The following FRK variants were observed in gnomAD, a reference collection of about 807,000 sequenced individuals.
FRK encodes the protein tyrosine-protein kinase FRK.
FRK carries 51 observed loss-of-function variants against 56.4 expected under a neutral mutation model. That is an observed-to-expected ratio of 0.90 (90% confidence interval 0.72 to 1.14). The LOEUF (loss-of-function observed/expected upper bound fraction) is 1.14, where lower values mean the gene tolerates loss of function less well. FRK is among the 50% of genes most tolerant of loss of function. The pLI is 0.00. For missense variants in FRK, 570 were observed against 601.4 expected (o/e 0.95, Z 0.55); for synonymous variants, 245 against 217.9 (o/e 1.12, Z -1.10).
At chr6:116,015,427 G>T (rs1378019076) in intron 1 of FRK, among the ~76,000 whole-genome samples, 1 of 152,166 alleles carries the variant, frequency 6.6e-6, no homozygotes, top group Non-Finnish European at 1.5e-5. Flanking sequence ...CCAGTCTCAG[G>T]TAATATCTTT....
At chr6:115,969,624 A>G (rs1292978943) in intron 2 of FRK, among the ~76,000 whole-genome samples, 12 of 152,174 alleles carry the variant, frequency 7.9e-5, no homozygotes, top group Admixed American at 7.9e-4. Flanking sequence ...AGGAACCCCA[A>G]TTCCGGGACT....
intron 1 of FRK, among the ~76,000 whole-genome samples, chr6:116,046,279 G>T (rs894273672): frequency 3.9e-5 from 6 of 152,152 alleles, no homozygotes; most frequent in African/African-American, 1.4e-4. Context: ...TCCCATTACT[G>T]GGTATATCCC....
rs1272907487 is a variant in FRK, at chr6:115,935,807, C to G, written c.*6607G>C. ...GGCCAGACTGCCTCTCTAGATTCCT[C>G]CTCTCTGGGCAGGGCAACTCTAAAA... On this transcript the variant is annotated 3_prime_UTR_variant, in exon 8 of 8. Coordinates refer to ENST00000606080, the MANE Select transcript of FRK (RefSeq NM_002031.3). The G allele has an allele frequency of 1.3e-5, 2 of 152,346 alleles. No individual in the cohort carries two copies. The highest frequency in any genetic ancestry group is 4.8e-5 in the African/African-American group (2 of 41,446). 9.4% of individuals were successfully genotyped at this position (152,346 alleles called of 1,614,324 possible). A position where few individuals can be genotyped will look rare whatever the true frequency, so the allele number is the denominator to read the frequency against.
chr6:116,064,145 C>T (rs746466936), upstream of FRK, among the ~76,000 whole-genome samples: 6 of 152,222 alleles, frequency 3.9e-5, no homozygotes, highest in Non-Finnish European at 7.3e-5. Context: ...TGACATAGTT[C>T]GCCAAATGAC....
rs571782629 is a variant in FRK at position 115,946,911 on chromosome 6, G to A, written c.959-2486C>T. Among the ~76,000 whole-genome samples, 29 of 152,218 alleles carry A rather than the reference G, an allele frequency of 1.9e-4. No homozygotes were observed. In the South Asian group the frequency reaches 4.6e-3, roughly 24 times the overall value. ...ATAAGGGAGTCCCTGGTGATTTTGG[G>A]GATAGGAAGAGCAGTTTGACTGGAG... On this transcript the variant is annotated intron_variant, in intron 5 of 7. Transcript: ENST00000606080.
intron 2 of FRK, among the ~76,000 whole-genome samples, chr6:116,002,005 C>T (rs952863115): frequency 6.6e-6 from 1 of 152,026 alleles, no homozygotes; most frequent in Admixed American, 6.6e-5. Flanking sequence ...TGTATATGTG[C>T]ATAAAAATAT....
chr6:115,978,534 A>G (rs906636437), intron 2 of FRK, among the ~76,000 whole-genome samples: 3 of 152,198 alleles, frequency 2.0e-5, no homozygotes, highest in African/African-American at 7.2e-5. Flanking sequence ...AAACACATTC[A>G]GTTACCTAAT....
chr6:116,054,712 T>C (rs915342030), intron 1 of FRK, among the ~76,000 whole-genome samples: 2 of 151,500 alleles, frequency 1.3e-5, no homozygotes, highest in South Asian at 4.1e-4. Context: ...TTTTGACACA[T>C]GGGCATTTAG....
At chr6:115,993,182 G>A (rs1244033458) in intron 2 of FRK, among the ~76,000 whole-genome samples, 2 of 151,664 alleles carry the variant, frequency 1.3e-5, no homozygotes, top group Non-Finnish European at 3.0e-5. Flanking sequence ...CGAGAGAGAG[G>A]GAGAAAGTAA....
At chr6:116,072,715 C>T in the FRK span, among the ~76,000 whole-genome samples, 2 of 152,032 alleles carry the variant, frequency 1.3e-5, no homozygotes, top group African/African-American at 4.8e-5. Context: ...TACATATAAC[C>T]TAATTGAAAA....
At chr6:116,094,461 T>C in the FRK span, among the ~76,000 whole-genome samples, 1 of 152,234 alleles carries the variant, frequency 6.6e-6, no homozygotes, top group Non-Finnish European at 1.5e-5. Flanking sequence ...ACCAGGTATT[T>C]CTCCCACCTT....
At chr6:115,992,266 T>A (rs1774643172) in intron 2 of FRK, among the ~76,000 whole-genome samples, 2 of 151,702 alleles carry the variant, frequency 1.3e-5, no homozygotes, top group Admixed American at 1.3e-4. Context: ...GTGTTTGTTG[T>A]CTCATCTCCT....
Position 115,938,218 on chromosome 6 carries a change from A to C in FRK, c.*4196T>G, listed in dbSNP as rs190718426. ...TTGGAAACTGAACAACCTGCTCCTGAATGACTACTGGGTAAATAATAAAAT... is the reference window on the plus strand; with the variant it reads ...TTGGAAACTGAACAACCTGCTCCTGCATGACTACTGGGTAAATAATAAAAT... On this transcript the variant is annotated 3_prime_UTR_variant, in exon 8 of 8. Coordinates refer to ENST00000606080, the MANE Select transcript of FRK (RefSeq NM_002031.3). 2 of 152,336 alleles carry C rather than the reference A, an allele frequency of 1.3e-5. No homozygotes were observed. Among genetic ancestry groups the C allele is most frequent in the East Asian group, 3.9e-4 (2 of 5,180 alleles). 9.4% of individuals were successfully genotyped at this position (152,336 alleles called of 1,614,324 possible).
At chr6:116,023,656 T>G (rs1775964695) in intron 1 of FRK, among the ~76,000 whole-genome samples, 2 of 152,244 alleles carry the variant, frequency 1.3e-5, no homozygotes, top group Non-Finnish European at 2.9e-5. Context: ...TTTCCTGAGG[T>G]AATAGAAATG....
chr6:115,999,028 A>AT (rs2114682085), intron 2 of FRK, among the ~76,000 whole-genome samples: 1 of 152,294 alleles, frequency 6.6e-6, no homozygotes, highest in East Asian at 1.9e-4. Context: ...CTGCAGCTCA[A>AT]TTTTAGACCC....
intron 2 of FRK, among the ~76,000 whole-genome samples, chr6:115,983,334 C>T (rs1774277700): frequency 6.6e-6 from 1 of 152,088 alleles, no homozygotes; most frequent in African/African-American, 2.4e-5. Context: ...CTATTGTCAA[C>T]CAGCAAGCAC....
At chr6:115,970,992 A>C (rs485705) in intron 2 of FRK, among the ~76,000 whole-genome samples, 6,641 of 152,262 alleles carry the variant, frequency 0.044, 158 homozygotes, top group African/African-American at 0.072. Context: ...CTGGGACGTT[A>C]ACCTTATTCT....
intron 2 of FRK, among the ~76,000 whole-genome samples, chr6:115,976,027 C>G (rs918797868): frequency 1.3e-5 from 2 of 151,988 alleles, no homozygotes; most frequent in Non-Finnish European, 2.9e-5. Context: ...GTAACTGGTT[C>G]GGGAGAGGAT....
At chr6:116,098,167 G>A in the FRK span, among the ~76,000 whole-genome samples, 3 of 139,996 alleles carry the variant, frequency 2.1e-5, no homozygotes, top group Non-Finnish European at 4.6e-5. Context: ...GCTGGAGTGC[G>A]ATGGCCTGAT....
Sources: allele counts gnomAD v4.1 joint callset (sites outside exome capture counted in the v4.1 genomes callset), GRCh38; gene constraint gnomAD v4.1.1; transcripts MANE v1.5; gene names NCBI Gene and HGNC (gene_info 2026-07-23, HGNC 2026-07-21).